Variants in LNX2 observed in about 807,000 individuals in gnomAD.
The protein encoded by LNX2 is ligand of Numb protein X 2.
LNX2 carries 35 observed loss-of-function variants against 66.2 expected under a neutral mutation model. The observed-to-expected ratio is 0.53, with a 90% CI of 0.40 to 0.70. LNX2 has a LOEUF of 0.70. LNX2 is among the 30% of genes least tolerant of loss of function. The pLI is 0.00. For missense variants in LNX2, 791 were observed against 850.8 expected (o/e 0.93, Z 0.87); for synonymous variants, 337 against 315.6 (o/e 1.07, Z -0.72).
At chr13:27,600,867 G>C (rs1226073963) in intron 1 of LNX2, among the ~76,000 whole-genome samples, 1 of 152,114 alleles carries the variant, frequency 6.6e-6, no homozygotes, top group Non-Finnish European at 1.5e-5. Flanking sequence ...TGCTTTAATG[G>C]GCCAGACCTG....
upstream of LNX2, chr13:27,620,861 A>T (rs1244924863): frequency 1.3e-5 from 2 of 148,786 alleles, no homozygotes; most frequent in Admixed American, 1.4e-4. Context: ...CGCCGCCAAG[A>T]GTGGCACAGC....
chr13:27,585,376 C>T (rs1397466849), intron 1 of LNX2, among the ~76,000 whole-genome samples: 4 of 151,382 alleles, frequency 2.6e-5, no homozygotes, highest in East Asian at 1.9e-4. Context: ...GAGCCAAGAT[C>T]GCACCACTGC....
At chr13:27,589,920 A>T (rs1955529808) in intron 1 of LNX2, among the ~76,000 whole-genome samples, 1 of 152,192 alleles carries the variant, frequency 6.6e-6, no homozygotes, top group Non-Finnish European at 1.5e-5. Context: ...TTCTTCATTA[A>T]CAGCAGTCTT....
At chr13:27,583,224 G>T (rs1410820454) in intron 1 of LNX2, among the ~76,000 whole-genome samples, 456 of 26,376 alleles carry the variant, frequency 0.017, 81 homozygotes, top group African/African-American at 0.02. Context: ...GTGTGTGTGT[G>T]TGTGTGTGTG....
chr13:27,581,243 T>C, intron 2 of LNX2, 54 bp downstream of exon 2: 1 of 1,405,750 alleles, frequency 7.1e-7, no homozygotes, highest in Non-Finnish European at 9.4e-7. Context: ...TTATGTTCAT[T>C]TGAACCACCT....
At chr13:27,596,643 C>A (rs1270325519) in intron 1 of LNX2, among the ~76,000 whole-genome samples, 1 of 152,136 alleles carries the variant, frequency 6.6e-6, no homozygotes, top group Non-Finnish European at 1.5e-5. Context: ...TTTACTCTTA[C>A]CCACCTTTCC....
At chr13:27,617,964 A>G (rs1293562826) in intron 1 of LNX2, among the ~76,000 whole-genome samples, 1 of 152,264 alleles carries the variant, frequency 6.6e-6, no homozygotes, top group African/African-American at 2.4e-5. Context: ...TACCCTGCCA[A>G]AGGCATTACA....
chr13:27,571,429 A>G (rs763042857), intron 2 of LNX2, among the ~76,000 whole-genome samples: 4 of 152,232 alleles, frequency 2.6e-5, no homozygotes, highest in Non-Finnish European at 5.9e-5. Context: ...GCATTCTAGA[A>G]AAACTGCAAC....
At chr13:27,555,443 C>A (rs748485692) in intron 7 of LNX2, among the ~76,000 whole-genome samples, 1 of 152,004 alleles carries the variant, frequency 6.6e-6, no homozygotes, top group Non-Finnish European at 1.5e-5. Context: ...GTTATTTTTT[C>A]ATTTGCTTGG....
chr13:27,587,712 T>C (rs1955503198), intron 1 of LNX2, among the ~76,000 whole-genome samples: 1 of 152,208 alleles, frequency 6.6e-6, no homozygotes, highest in African/African-American at 2.4e-5. Context: ...TCAGCTTTGA[T>C]AGCTGCTTCT....
At chr13:27,565,728 T>A (rs1460028050) in intron 4 of LNX2, among the ~76,000 whole-genome samples, 1 of 152,200 alleles carries the variant, frequency 6.6e-6, no homozygotes, top group African/African-American at 2.4e-5. Context: ...GTTTGAAAGC[T>A]CAGTCTGTCT....
chr13:27,568,747 G>A (rs977975176), intron 3 of LNX2, among the ~76,000 whole-genome samples: 10 of 152,118 alleles, frequency 6.6e-5, no homozygotes, highest in Non-Finnish European at 8.8e-5. Flanking sequence ...ATAACCACGC[G>A]AATGACTAGT....
chr13:27,560,565 GTA>G lies in LNX2; in HGVS notation c.1225-582_1225-581del, dbSNP rs71083675. Among the ~76,000 whole-genome samples the G allele has an allele frequency of 1.0e-3, 120 of 119,672 alleles. 2 individuals carry two copies. The highest frequency in any genetic ancestry group is 1.4e-3 in the Admixed American group (18 of 12,430). The allele number at this position is 119,672 out of a possible 152,430, so 78.5% of individuals were successfully genotyped here. Reference sequence around the variant, plus strand: ...ATAACAAGACTTTATATGTATGTGTGTATATATATATATATATATAGCATACT... The same window carrying G: ...ATAACAAGACTTTATATGTATGTGTGTATATATATATATATATAGCATACT... On this transcript the variant is annotated intron_variant, in intron 5 of 9. Coordinates refer to ENST00000316334, the MANE Select transcript of LNX2 (RefSeq NM_153371.4).
chr13:27,597,505 G>C (rs1269886561), intron 1 of LNX2, among the ~76,000 whole-genome samples: 1 of 152,132 alleles, frequency 6.6e-6, no homozygotes. Flanking sequence ...TGCATGTAAC[G>C]GGGGTGGATG....
chr13:27,595,524 C>T (rs1955588099), intron 1 of LNX2, among the ~76,000 whole-genome samples: 1 of 152,162 alleles, frequency 6.6e-6, no homozygotes, highest in African/African-American at 2.4e-5. Context: ...CCAATTTTGT[C>T]TCTAGAATTC....
At chr13:27,589,215 C>A (rs1955524159) in intron 1 of LNX2, among the ~76,000 whole-genome samples, 1 of 152,202 alleles carries the variant, frequency 6.6e-6, no homozygotes, top group Non-Finnish European at 1.5e-5. Context: ...AAAGTTCTTT[C>A]CCCAGAGCCT....
chr13:27,571,338 G>C (rs879892585), intron 2 of LNX2, among the ~76,000 whole-genome samples: 2 of 152,178 alleles, frequency 1.3e-5, no homozygotes, highest in African/African-American at 2.4e-5. Flanking sequence ...GCAATTAGAA[G>C]GTAACCTCAG....
chr13:27,618,768 C>A (rs976435267), intron 1 of LNX2, among the ~76,000 whole-genome samples: 2 of 152,220 alleles, frequency 1.3e-5, no homozygotes, highest in African/African-American at 4.8e-5. Context: ...GCCAGACAAG[C>A]CCATATGCAA....
In LNX2 at chr13:27,602,345, G is replaced by C. The variant is rs76028004; in HGVS notation, c.-101+18030C>G. ...GATAGAGAACAGAATCATTACTCCG[G>C]GTTTTTTTATGCCCTTCCCAGCCAA... On this transcript the variant is annotated intron_variant, in intron 1 of 9. Coordinates refer to ENST00000316334, the MANE Select transcript of LNX2 (RefSeq NM_153371.4). Among the ~76,000 whole-genome samples the C allele has an allele frequency of 5.6e-4, 85 of 152,146 alleles. No individual in the cohort carries two copies. In the East Asian group the frequency reaches 0.016, roughly 29 times the overall value.
Sources: gnomAD v4.1 joint callset for allele counts (sites outside exome capture counted in the v4.1 genomes callset) on GRCh38, gnomAD v4.1.1 for gene constraint, MANE v1.5 for transcripts, NCBI Gene and HGNC (gene_info 2026-07-23, HGNC 2026-07-21) for gene names.